Variants in ADAM10 observed in about 807,000 individuals in gnomAD.
ADAM10 encodes ADAM metallopeptidase domain 10.
Under a neutral mutation model 90.1 loss-of-function variants are expected in ADAM10, and 17 were observed. The ratio of observed to expected loss-of-function variants is 0.19; its 90% CI spans 0.13 to 0.28. The LOEUF (loss-of-function observed/expected upper bound fraction) is 0.28. Ranked by LOEUF, ADAM10 falls within the 10% of genes least tolerant of loss-of-function variation. The pLI, the probability that ADAM10 is intolerant of heterozygous loss-of-function variation, is 1.00. For synonymous variants in ADAM10, 310 were observed against 298.6 expected (o/e 1.04, Z -0.40); for missense variants, 610 against 914.3 (o/e 0.67, Z 4.29).
chr15:58,703,670 G>C (rs1898194103), intron 2 of ADAM10, among the ~76,000 whole-genome samples: 1 of 152,124 alleles, frequency 6.6e-6, no homozygotes, highest in Non-Finnish European at 1.5e-5. Context: ...ATCTCATGTT[G>C]AACTGCAATT....
chr15:58,700,654 A>G (rs1898106969), intron 2 of ADAM10, among the ~76,000 whole-genome samples: 1 of 152,186 alleles, frequency 6.6e-6, no homozygotes, highest in South Asian at 2.1e-4. Flanking sequence ...AAACAATATA[A>G]TGAAGCACCT....
At chr15:58,705,711 G>C (rs1898262431) in intron 2 of ADAM10, among the ~76,000 whole-genome samples, 1 of 152,116 alleles carries the variant, frequency 6.6e-6, no homozygotes, top group Admixed American at 6.5e-5. Context: ...TTAATATACA[G>C]AAATACTTTC....
chr15:58,607,947 G>A (rs1177967405), intron 14 of ADAM10, among the ~76,000 whole-genome samples: 1 of 152,134 alleles, frequency 6.6e-6, no homozygotes. Context: ...CTGAAATAAG[G>A]TCTCAACAGA....
intron 1 of ADAM10, among the ~76,000 whole-genome samples, chr15:58,719,016 G>A (rs1898756686): frequency 6.6e-6 from 1 of 152,178 alleles, no homozygotes; most frequent in Non-Finnish European, 1.5e-5. Context: ...ACTACCTGAT[G>A]ACCAATGCCT....
chr15:58,628,190 A>T (rs949851172), intron 9 of ADAM10, among the ~76,000 whole-genome samples: 1 of 152,248 alleles, frequency 6.6e-6, no homozygotes, highest in Non-Finnish European at 1.5e-5. Flanking sequence ...TACTTTTAAA[A>T]CTAGTAACAG....
chr15:58,602,579 G>A (rs1348712598), intron 14 of ADAM10, among the ~76,000 whole-genome samples: 4 of 151,834 alleles, frequency 2.6e-5, no homozygotes, highest in Admixed American at 2.6e-4. Context: ...AAAAAGGAGA[G>A]GGAATAAAAA....
intron 9 of ADAM10, among the ~76,000 whole-genome samples, chr15:58,631,247 G>A (rs145926104): frequency 9.8e-4 from 149 of 152,184 alleles, no homozygotes; most frequent in Non-Finnish European, 1.7e-3. Flanking sequence ...CCCACCCTCA[G>A]ATATTCCCTT....
chr15:58,614,963 T>A (rs1316846308), intron 11 of ADAM10, among the ~76,000 whole-genome samples: 1 of 151,856 alleles, frequency 6.6e-6, no homozygotes, highest in Middle Eastern at 3.4e-3. Flanking sequence ...AAGAAGAATA[T>A]GCAAAAACAA....
intron 1 of ADAM10, among the ~76,000 whole-genome samples, chr15:58,726,855 C>G (rs1899047310): frequency 1.4e-5 from 2 of 141,984 alleles, no homozygotes; most frequent in African/African-American, 5.3e-5. Flanking sequence ...ACCTGGACAA[C>G]AGAGAGAGAT....
chr15:58,739,228 C>T (rs902742758), intron 1 of ADAM10, among the ~76,000 whole-genome samples: 2 of 151,988 alleles, frequency 1.3e-5, no homozygotes, highest in African/African-American at 4.8e-5. Flanking sequence ...AATTTTGGGC[C>T]GGGCGCGGTG....
chr15:58,623,774 G>A (rs1824440699), intron 10 of ADAM10, among the ~76,000 whole-genome samples: 1 of 152,022 alleles, frequency 6.6e-6, no homozygotes, highest in Non-Finnish European at 1.5e-5. Flanking sequence ...GAGAGCACAT[G>A]CACACAGGGA....
At chr15:58,610,791 C>A in intron 13 of ADAM10, 2 of 632,864 alleles carry the variant, frequency 3.2e-6, no homozygotes, top group East Asian at 2.7e-5. Context: ...AAGCTGGCAA[C>A]GTTTTGTCTA....
intron 1 of ADAM10, among the ~76,000 whole-genome samples, chr15:58,726,788 C>A (rs913979082): frequency 6.6e-5 from 10 of 151,114 alleles, no homozygotes; most frequent in Non-Finnish European, 1.3e-4. Context: ...CTGCTTGAGC[C>A]CAAGTTTGGG....
At chr15:58,610,589 T>C in intron 13 of ADAM10, 72 bp from the exon 14 acceptor site, 1 of 1,473,050 alleles carries the variant, frequency 6.8e-7, no homozygotes, top group Non-Finnish European at 9.4e-7. Context: ...TTTCCAGTTG[T>C]GCAAATACAA....
intron 11 of ADAM10, among the ~76,000 whole-genome samples, chr15:58,614,379 G>C (rs527700840): frequency 2.0e-5 from 3 of 152,094 alleles, no homozygotes; most frequent in East Asian, 3.9e-4. Context: ...AGGATTTATA[G>C]TCAAATTGTC....
chr15:58,708,465 C>T (rs1383744690), intron 2 of ADAM10, among the ~76,000 whole-genome samples: 4 of 151,996 alleles, frequency 2.6e-5, no homozygotes, highest in Admixed American at 6.6e-5. Flanking sequence ...AGTTCGAGAC[C>T]GGCCCGGGCA....
intron 1 of ADAM10, among the ~76,000 whole-genome samples, chr15:58,721,002 T>C (rs1456354171): frequency 3.9e-5 from 6 of 152,246 alleles, no homozygotes; most frequent in Non-Finnish European, 7.3e-5. Context: ...TTTCTGTCTC[T>C]GCTGCTTAAA....
In ADAM10 at chr15:58,673,322, A is replaced by G. The variant is rs189691252; in HGVS notation, c.484+5802T>C. ...ATGGAGATGGTAGTTTTTCACCTTC[A>G]TTTCTCTCTGATGCAGCTTATACAA... On this transcript the variant is annotated intron_variant, in intron 4 of 15. Transcript: ENST00000260408. Among the ~76,000 whole-genome samples, 62 of 148,478 alleles carry G rather than the reference A, an allele frequency of 4.2e-4. No homozygotes were observed. In the Admixed American group the frequency reaches 4.2e-3, roughly 10 times the overall value.
chr15:58,688,786 A>ATATATATATATATATATCTC, intron 2 of ADAM10, among the ~76,000 whole-genome samples: 4,347 of 120,738 alleles, frequency 0.036, 78 homozygotes, highest in South Asian at 0.052. Flanking sequence ...ATATATATAT[A>ATATATATATATATATATCTC]TCTCTCTCTC....
Sources: allele counts gnomAD v4.1 joint callset (sites outside exome capture counted in the v4.1 genomes callset), GRCh38; gene constraint gnomAD v4.1.1; transcripts MANE v1.5; gene names NCBI Gene and HGNC (gene_info 2026-07-23, HGNC 2026-07-21).